ENGASE: variants seen among roughly 807,000 people sequenced by gnomAD.
The protein encoded by ENGASE is endo-beta-N-acetylglucosaminidase, also known as cytosolic endo-beta-N-acetylglucosaminidase.
In ENGASE, 69 loss-of-function variants were observed where a neutral mutation model predicts 78.5. That is an observed-to-expected ratio of 0.88 (90% CI 0.72 to 1.07). ENGASE has a LOEUF of 1.07. Among genes scored for constraint, ENGASE ranks in the 50% least tolerant of loss-of-function variants. The pLI is 0.00. For synonymous variants in ENGASE, 408 were observed against 408.9 expected, an observed-to-expected ratio of 1.00 and a Z score of 0.03; for missense variants, 943 against 988.4, an observed-to-expected ratio of 0.95 and a Z score of 0.62.
chr17:79,080,684 C>T (rs769021261), intron 5 of ENGASE, among the ~76,000 whole-genome samples: 5 of 152,310 alleles, frequency 3.3e-5, no homozygotes, highest in South Asian at 2.1e-4. Context: ...CCTCCCCTTT[C>T]GGTGCACTCT....
intron 12 of ENGASE, 132 bp downstream of exon 12, chr17:79,085,474 C>A: frequency 7.4e-7 from 1 of 1,349,022 alleles, no homozygotes; most frequent in Non-Finnish European, 1.0e-6. Flanking sequence ...AAGCCCAGGA[C>A]AGCTGCTGGG....
intron 1 of ENGASE, among the ~76,000 whole-genome samples, chr17:79,076,454 C>T (rs567873133): frequency 6.6e-6 from 1 of 152,276 alleles, no homozygotes; most frequent in East Asian, 1.9e-4. Context: ...ATCCCAGCTA[C>T]TTGGGAGGCT....
At position 79,086,154 on chromosome 17, in the gene ENGASE, G is replaced by T. The variant is rs771756312; in HGVS notation, c.2037G>T (p.Pro679=). ...MSDDSPGREL[P]RPEMPMFLGL... ...ATGACTCTCCGGGCAGGGAGCTGCC[G>T]AGGCCAGAGATGCCCATGTTCCTGG... The change falls in exon 14 of 14, where the codon CCG becomes CCT. Residue 679 remains proline (P), a synonymous_variant. Transcript: ENST00000579016. 3.7e-6 allele frequency: 6 copies of T among 1,613,676 alleles called. No individual in the cohort carries two copies. The highest frequency in any genetic ancestry group is 5.1e-6 in the Non-Finnish European group (6 of 1,180,040).
At position 79,086,383 on chromosome 17, in the gene ENGASE, G is replaced by C. The variant is rs774217254; in HGVS notation, c.*34G>C. The C allele has an allele frequency of 3.0e-5, 48 of 1,583,954 alleles. No individual in the cohort carries two copies. Among genetic ancestry groups the C allele is most frequent in the Non-Finnish European group, 4.1e-5 (48 of 1,164,608 alleles). ...TAAGGCCGGGTGGTCTCCTGGCCTC[G>C]GGCTGAGGCCTCTTCCCGGCTGTCT... is the stretch of plus-strand genomic sequence containing the variant. On this transcript the variant is annotated 3_prime_UTR_variant, in exon 14 of 14. Coordinates refer to ENST00000579016, the MANE Select transcript of ENGASE (RefSeq NM_001042573.3).
chr17:79,077,354 A>T, intron 1 of ENGASE, 76 bp from the exon 2 acceptor site: 3 of 1,273,238 alleles, frequency 2.4e-6, no homozygotes, highest in Non-Finnish European at 3.3e-6. Flanking sequence ...TTTAGATGAA[A>T]CTGGTCCATT....
At chr17:79,076,935 C>T (rs2072982244) in intron 1 of ENGASE, among the ~76,000 whole-genome samples, 2 of 152,242 alleles carry the variant, frequency 1.3e-5, no homozygotes, top group African/African-American at 2.4e-5. Context: ...TGTAGTGGCA[C>T]AGTCCCGGCT....
rs1340591370 is a variant in ENGASE at position 79,082,601 on chromosome 17, C to G, written c.1039-419C>G. The G allele has an allele frequency of 4.7e-6, 6 of 1,264,750 alleles. No individual in the cohort carries two copies. The Admixed American group carries it at 7.4e-5, about 16-fold the overall frequency. 78.3% of individuals were successfully genotyped at this position (1,264,750 alleles called of 1,614,324 possible). On this transcript the variant is annotated intron_variant, in intron 7 of 13. Transcript: ENST00000579016. ...GCGCAGGGCTCTGCCTGCCTCTGGT[C>G]TATCAGTCCTGCCCGTTCCCAGAGC...
At chr17:79,077,924 C>CTGGTGGGGGGGGGGG in intron 3 of ENGASE, 60 bp downstream of exon 3, 1 of 623,118 alleles carries the variant, frequency 1.6e-6, no homozygotes. Flanking sequence ...GGGGTGGGGG[C>CTGGTGGGGGGGGGGG]TGGAGGGGCG....
chr17:79,081,892 T>C lies in ENGASE; in HGVS notation c.873-6T>C, dbSNP rs371024567. The C allele has an allele frequency of 4.4e-5, 70 of 1,608,764 alleles. No individual in the cohort carries two copies. Among genetic ancestry groups the C allele is most frequent in the Non-Finnish European group, 1.1e-5 (13 of 1,176,834 alleles). On this transcript the variant is annotated splice_polypyrimidine_tract_variant and splice_region_variant and intron_variant, in intron 6 of 13. Transcript: ENST00000579016. ...GGCCTCACAGCAGGTCCTTGTTGCT[T>C]CTCAGGGTCTTCTTTGATTCCTGCG...
intron 6 of ENGASE, among the ~76,000 whole-genome samples, chr17:79,081,659 CTG>C (rs2073140537): frequency 6.6e-6 from 1 of 151,754 alleles, no homozygotes; most frequent in Admixed American, 6.6e-5. Flanking sequence ...GCAGGTGCCT[CTG>C]AGATCTAGGA....
chr17:79,083,175 T>G lies in ENGASE; in HGVS notation c.1142+52T>G. 9 of 1,336,018 alleles carry G rather than the reference T, an allele frequency of 6.7e-6. No homozygotes were observed. The highest frequency in any genetic ancestry group is 1.2e-5 in the South Asian group (1 of 83,368). The allele number at this position is 1,336,018 out of a possible 1,614,324, so 82.8% of individuals were successfully genotyped here. ...GTGCAGGCTGATGGGAGGGAGGGGT[T>G]TCTGGTGTCTCTGATAGGACACGTT... is the stretch of plus-strand genomic sequence containing the variant. On this transcript the variant is annotated intron_variant, in intron 8 of 13. Transcript: ENST00000579016. The surrounding 1 kb of genome is among the most constrained non-coding windows in gnomAD (Gnocchi z 4.9).
Position 79,074,848 on chromosome 17 carries a change from C to A in ENGASE, c.-97C>A. 3.3e-6 allele frequency: 4 copies of A among 1,206,370 alleles called. No homozygotes were observed. Among genetic ancestry groups the A allele is most frequent in the Non-Finnish European group, 4.1e-6 (4 of 970,524 alleles). The allele number at this position is 1,206,370 out of a possible 1,614,324, so 74.7% of individuals were successfully genotyped here. On this transcript the variant is annotated 5_prime_UTR_variant, in exon 1 of 14. Transcript: ENST00000579016. The stretch of plus-strand genomic sequence containing the variant: ...CGGGAGTCAGCTCGGAGTCCCGTCC[C>A]AGCGCGGCGTCAGCGCTGCGCACTT...
Position 79,074,835 on chromosome 17 carries a change from C to T in ENGASE, c.-110C>T, listed in dbSNP as rs564755695. 4.2e-6 allele frequency: 5 copies of T among 1,199,330 alleles called. No individual in the cohort carries two copies. In the South Asian group the frequency reaches 1.3e-4, roughly 30 times the overall value. The allele number at this position is 1,199,330 out of a possible 1,614,324, so 74.3% of individuals were successfully genotyped here. On this transcript the variant is annotated 5_prime_UTR_variant, in exon 1 of 14. Transcript: ENST00000579016. ...CGCGGCCGCTGGCCGGGAGTCAGCTCGGAGTCCCGTCCCAGCGCGGCGTCA... is the reference window on the plus strand; with the variant it reads ...CGCGGCCGCTGGCCGGGAGTCAGCTTGGAGTCCCGTCCCAGCGCGGCGTCA...
chr17:79,082,480 C>T (rs1232666710), intron 7 of ENGASE: 6 of 1,203,710 alleles, frequency 5.0e-6, no homozygotes, highest in South Asian at 1.5e-5. Flanking sequence ...GTTTGGGGAT[C>T]GGTAGGTGTC....
chr17:79,082,403 G>A lies in ENGASE; in HGVS notation c.1038+340G>A, dbSNP rs2073168317. 2.4e-6 allele frequency: 3 copies of A among 1,240,828 alleles called. No homozygotes were observed. In the African/African-American group the frequency reaches 4.7e-5, roughly 19 times the overall value. 76.9% of individuals were successfully genotyped at this position (1,240,828 alleles called of 1,614,324 possible). A position where few individuals can be genotyped will look rare whatever the true frequency, so the allele number is the denominator to read the frequency against. On this transcript the variant is annotated intron_variant, in intron 7 of 13. Coordinates refer to ENST00000579016, the MANE Select transcript of ENGASE (RefSeq NM_001042573.3). ...ATCTTCCCCGTGAGGGAAGCCTGCG[G>A]GGACGCACAGGGGCCTGCAGCGCCT...
chr17:79,085,629 G>A lies in ENGASE; in HGVS notation c.1710G>A (p.Glu570=). The A allele has an allele frequency of 6.2e-7, 1 of 1,613,800 alleles. No homozygotes were observed. Among genetic ancestry groups the A allele is most frequent in the Non-Finnish European group, 8.5e-7 (1 of 1,180,004 alleles). The change falls in exon 13 of 14, where the codon GAG becomes GAA. Residue 570 remains glutamate (E), a synonymous_variant. Transcript: ENST00000579016. ...CCCTTTCGCCCCGTAGCTGCTACGA[G>A]GTGAGCCTGCGTGGGTGCCTGCTGC... ...LSGGWVQHCY[E]VSLRGCLLLD...
Position 79,082,056 on chromosome 17 carries a change from C to G in ENGASE, c.1031C>G (p.Thr344Arg). ...RGNVVGGRFD[T>R]DKSLELIRKH... is the part of the protein sequence containing the mutation. ...AACGTGGTCGGAGGCCGATTCGACA[C>G]AGACAAGGTGGGTGGTGGCTTTCGT... Residue 344 changes from threonine (T) to arginine (R), a missense_variant, in exon 7 of 14, where the codon ACA becomes AGA. Thr to Arg is a moderately conservative substitution (Grantham distance 71, BLOSUM62 -1). Transcript: ENST00000579016. The G allele has an allele frequency of 6.2e-7, 1 of 1,614,232 alleles. No homozygotes were observed. Among genetic ancestry groups the G allele is most frequent in the Non-Finnish European group, 8.5e-7 (1 of 1,180,030 alleles).
Position 79,080,998 on chromosome 17 carries a change from GC to G in ENGASE, c.799del (p.Leu267TrpfsTer84), listed in dbSNP as rs746119022. On this transcript the variant is annotated frameshift_variant, in exon 6 of 14. Transcript: ENST00000579016. LOFTEE classifies it high-confidence loss of function. ...TTQLHRQVPG[G>X]LVLWYDSVVQ... ...CAGCTGCACCGGCAGGTCCCAGGGGGCCTGGTGCTCTGGTATGACAGCGTGG... is the reference window on the plus strand; with the variant it reads ...CAGCTGCACCGGCAGGTCCCAGGGGGCTGGTGCTCTGGTATGACAGCGTGG... 3 of 1,613,080 alleles carry G rather than the reference GC, an allele frequency of 1.9e-6. No homozygotes were observed. The Admixed American group carries it at 5.0e-5, about 27-fold the overall frequency.
At chr17:79,077,926 GGA>G in intron 3 of ENGASE, 62 bp downstream of exon 3, 11 of 1,333,370 alleles carry the variant, frequency 8.2e-6, no homozygotes, top group South Asian at 1.3e-5. Context: ...GGTGGGGGCT[GGA>G]GGGGCGGGAG....
Sources: gnomAD v4.1 joint callset for allele counts (sites outside exome capture counted in the v4.1 genomes callset) on GRCh38, gnomAD v4.1.1 for gene constraint, Gnocchi (gnomAD v3.1) non-coding constraint, MANE v1.5 for transcripts, NCBI Gene and HGNC (gene_info 2026-07-23, HGNC 2026-07-21) for gene names.